Variants in CSMD3 observed in about 807,000 individuals in gnomAD.
The protein encoded by CSMD3 is CUB and Sushi multiple domains 3.
A neutral mutation model predicts 435.2 loss-of-function variants in CSMD3; 177 were observed. The ratio of observed to expected loss-of-function variants is 0.41; its 90% CI spans 0.36 to 0.46. The LOEUF is 0.46. Ranked by LOEUF, CSMD3 falls within the 20% of genes least tolerant of loss-of-function variation. The probability of loss-of-function intolerance (pLI) is 0.34; values close to 1 mark genes in which losing one functional copy is unlikely to be tolerated. For synonymous variants in CSMD3, 1,656 were observed against 1,520.5 expected (o/e 1.09, Z -2.07); for missense variants, 4,265 against 4,504.6 (o/e 0.95, Z 1.52).
intron 5 of CSMD3, among the ~76,000 whole-genome samples, chr8:113,057,707 C>A (rs906695806): frequency 3.3e-5 from 5 of 151,814 alleles, no homozygotes; most frequent in Admixed American, 6.6e-5. Context: ...CCAACACTCC[C>A]ATATTCTATA....
At chr8:112,570,634 A>C (rs951130437) in intron 24 of CSMD3, among the ~76,000 whole-genome samples, 2 of 142,420 alleles carry the variant, frequency 1.4e-5, no homozygotes, top group African/African-American at 4.9e-5. Flanking sequence ...GTGGGTAACT[A>C]TTTAGATAGT....
intron 5 of CSMD3, among the ~76,000 whole-genome samples, chr8:113,041,708 ATTG>A (rs143512175): frequency 0.047 from 7,141 of 152,066 alleles, 226 homozygotes; most frequent in Non-Finnish European, 0.069. Flanking sequence ...CATGAAAAAA[ATTG>A]TTATGTCTGT....
chr8:113,410,415 C>G (rs1370222301), intron 1 of CSMD3, among the ~76,000 whole-genome samples: 1 of 152,116 alleles, frequency 6.6e-6, no homozygotes, highest in African/African-American at 2.4e-5. Flanking sequence ...ATAATCTTTT[C>G]TAAGTCCTAT....
chr8:112,982,864 T>C (rs578040197), intron 6 of CSMD3, among the ~76,000 whole-genome samples: 10 of 152,104 alleles, frequency 6.6e-5, no homozygotes, highest in African/African-American at 2.2e-4. Context: ...TTTCAGGATA[T>C]AAACATAAGT....
At chr8:112,845,329 G>A (rs950556178) in intron 11 of CSMD3, among the ~76,000 whole-genome samples, 2 of 151,932 alleles carry the variant, frequency 1.3e-5, no homozygotes, top group Non-Finnish European at 2.9e-5. Flanking sequence ...ACAACACATG[G>A]GTCAGTTATG....
chr8:112,383,510 T>G lies in CSMD3; in HGVS notation c.6031+57A>C, dbSNP rs1477642036. ...TAAGAGTTGTAGATAGCTCTTTAAT[T>G]TTTTTTATATTCCTAATTATATCTG... is the stretch of plus-strand genomic sequence containing the variant. On this transcript the variant is annotated intron_variant, in intron 37 of 70. Transcript: ENST00000297405. 43 of 1,001,968 alleles carry G rather than the reference T, an allele frequency of 4.3e-5. No individual in the cohort carries two copies. In the South Asian group the frequency reaches 5.6e-4, roughly 13 times the overall value. 62.1% of individuals were successfully genotyped at this position (1,001,968 alleles called of 1,614,324 possible).
chr8:112,874,264 G>T (rs1386228342), intron 10 of CSMD3, among the ~76,000 whole-genome samples: 1 of 152,140 alleles, frequency 6.6e-6, no homozygotes, highest in African/African-American at 2.4e-5. Context: ...TTGCACTGTG[G>T]TATGAGAGAC....
chr8:112,948,018 T>C, intron 8 of CSMD3, 141 bp from the exon 9 acceptor site: 1 of 558,226 alleles, frequency 1.8e-6, no homozygotes, highest in South Asian at 2.5e-5. Context: ...TGTTAAACTA[T>C]AATTTTATAA....
At chr8:112,450,569 A>T (rs1392256767) in intron 32 of CSMD3, among the ~76,000 whole-genome samples, 1 of 152,176 alleles carries the variant, frequency 6.6e-6, no homozygotes, top group East Asian at 1.9e-4. Flanking sequence ...GTCCCTACAG[A>T]CCAGTACAAA....
At chr8:112,626,014 C>G (rs1834446108) in intron 22 of CSMD3, among the ~76,000 whole-genome samples, 1 of 152,008 alleles carries the variant, frequency 6.6e-6, no homozygotes, top group Non-Finnish European at 1.5e-5. Flanking sequence ...TCCATGGCAA[C>G]TGTCTTGGTA....
At chr8:112,548,058 T>TC (rs948863905) in intron 27 of CSMD3, among the ~76,000 whole-genome samples, 1 of 152,148 alleles carries the variant, frequency 6.6e-6, no homozygotes, top group African/African-American at 2.4e-5. Context: ...TGGCCTATAG[T>TC]CCATTTACAT....
At chr8:112,392,076 T>A (rs909334330) in intron 35 of CSMD3, among the ~76,000 whole-genome samples, 3 of 152,154 alleles carry the variant, frequency 2.0e-5, no homozygotes, top group African/African-American at 7.2e-5. Context: ...AGCTAGAATG[T>A]ACATAAGAAA....
At chr8:112,620,595 T>A (rs1311968675) in intron 22 of CSMD3, among the ~76,000 whole-genome samples, 5 of 152,114 alleles carry the variant, frequency 3.3e-5, no homozygotes, top group Non-Finnish European at 7.3e-5. Context: ...GTTCCTGTTT[T>A]CAGGGCCAAG....
At position 112,492,384 on chromosome 8, in the gene CSMD3, T is replaced by A. The variant is rs1157589989; in HGVS notation, c.5278+105A>T. 4 of 873,644 alleles carry A rather than the reference T, an allele frequency of 4.6e-6. No homozygotes were observed. In the South Asian group the frequency reaches 5.5e-5, roughly 12 times the overall value. 54.1% of individuals were successfully genotyped at this position (873,644 alleles called of 1,614,324 possible). A position where few individuals can be genotyped will look rare whatever the true frequency, so the allele number is the denominator to read the frequency against. On this transcript the variant is annotated intron_variant, in intron 31 of 70. Transcript: ENST00000297405. Reference sequence around the variant, plus strand: ...CTCTGCATTGCTAGTACGACACTTGTAGATTGTATGTGGAATAGTTGATGT... The same window carrying A: ...CTCTGCATTGCTAGTACGACACTTGAAGATTGTATGTGGAATAGTTGATGT...
At position 112,682,656 on chromosome 8, in the gene CSMD3, G is replaced by C. The variant is rs1427913291; in HGVS notation, c.2483-20C>G. 1 of 1,513,206 alleles carries C rather than the reference G, an allele frequency of 6.6e-7. No individual in the cohort carries two copies. The highest frequency in any genetic ancestry group is 1.7e-5 in the Admixed American group (1 of 59,642). 93.7% of individuals were successfully genotyped at this position (1,513,206 alleles called of 1,614,324 possible). A position where few individuals can be genotyped will look rare whatever the true frequency, so the allele number is the denominator to read the frequency against. On this transcript the variant is annotated intron_variant, in intron 15 of 70. Coordinates refer to ENST00000297405, the MANE Select transcript of CSMD3 (RefSeq NM_198123.2). The stretch of plus-strand genomic sequence containing the variant: ...CAAATGCTTTAGAATAATATGCAAA[G>C]AAAAATACACAAACAAACAACATTA...
chr8:112,858,923 C>A (rs561483137), intron 11 of CSMD3, among the ~76,000 whole-genome samples: 5 of 151,764 alleles, frequency 3.3e-5, no homozygotes, highest in Non-Finnish European at 7.4e-5. Context: ...GTAATTTTAA[C>A]CTTTTGGTTT....
chr8:112,840,606 T>G (rs926166285), intron 11 of CSMD3, among the ~76,000 whole-genome samples: 4 of 151,748 alleles, frequency 2.6e-5, no homozygotes, highest in African/African-American at 9.7e-5. Context: ...TATTCTGATT[T>G]GATCATTATA....
At chr8:113,273,609 T>C (rs182249849) in intron 3 of CSMD3, among the ~76,000 whole-genome samples, 11 of 152,112 alleles carry the variant, frequency 7.2e-5, no homozygotes, top group African/African-American at 1.9e-4. Flanking sequence ...GTATATATGG[T>C]TTGGTACTAT....
At chr8:112,813,241 G>A (rs970091095) in intron 12 of CSMD3, among the ~76,000 whole-genome samples, 39 of 152,174 alleles carry the variant, frequency 2.6e-4, no homozygotes, top group African/African-American at 9.4e-4. Flanking sequence ...AAACGAATGG[G>A]TAGCCAGAGT....
Sources: gnomAD v4.1 joint callset for allele counts (sites outside exome capture counted in the v4.1 genomes callset) on GRCh38, gnomAD v4.1.1 for gene constraint, MANE v1.5 for transcripts, NCBI Gene and HGNC (gene_info 2026-07-23, HGNC 2026-07-21) for gene names.